Variants in RGL1 observed in about 807,000 individuals in gnomAD.
RGL1 encodes the protein ral guanine nucleotide dissociation stimulator like 1.
In RGL1, 24 loss-of-function variants were observed where a neutral mutation model predicts 95.2. The ratio of observed to expected loss-of-function variants is 0.25; its 90% CI spans 0.18 to 0.35. The LOEUF (loss-of-function observed/expected upper bound fraction) is 0.35, where lower values mean the gene tolerates loss of function less well. RGL1 is among the 10% of genes least tolerant of loss of function. RGL1 has a pLI of 1.00. For missense variants in RGL1, 715 were observed against 936.3 expected (o/e 0.76, Z 3.08); for synonymous variants, 329 against 344.9 (o/e 0.95, Z 0.51).
At chr1:183,638,963 C>G (rs1346887619) in intron 1 of RGL1, among the ~76,000 whole-genome samples, 1 of 152,132 alleles carries the variant, frequency 6.6e-6, no homozygotes, top group Non-Finnish European at 1.5e-5. Flanking sequence ...CCAAACTTGC[C>G]ACTAAATACT....
chr1:183,758,947 T>A (rs1478206556), intron 2 of RGL1, among the ~76,000 whole-genome samples: 1 of 152,220 alleles, frequency 6.6e-6, no homozygotes, highest in East Asian at 1.9e-4. Flanking sequence ...TACCCCAAGC[T>A]ATTAATTGGG....
upstream of RGL1, among the ~76,000 whole-genome samples, chr1:183,801,304 G>A (rs1219987902): frequency 1.3e-5 from 2 of 151,894 alleles, no homozygotes; most frequent in African/African-American, 4.8e-5. Flanking sequence ...TGTCTTCTTA[G>A]GAAAAATATC....
intron 2 of RGL1, among the ~76,000 whole-genome samples, chr1:183,743,178 A>T (rs1657418205): frequency 6.6e-6 from 1 of 152,010 alleles, no homozygotes; most frequent in Non-Finnish European, 1.5e-5. Flanking sequence ...ACACCTGGAT[A>T]ATTTTTAAAT....
At chr1:183,668,847 C>G (rs953963929) in intron 1 of RGL1, among the ~76,000 whole-genome samples, 1 of 151,826 alleles carries the variant, frequency 6.6e-6, no homozygotes, top group South Asian at 2.1e-4. Context: ...ATGTTTACAC[C>G]CTTTGTAGTT....
intron 2 of RGL1, among the ~76,000 whole-genome samples, chr1:183,746,983 C>T (rs1329540059): frequency 6.6e-6 from 1 of 152,138 alleles, no homozygotes; most frequent in East Asian, 1.9e-4. Context: ...AGGACATGAA[C>T]TCATCTTTTT....
intron 15 of RGL1, among the ~76,000 whole-genome samples, chr1:183,914,438 A>G (rs1226647616): frequency 6.6e-6 from 1 of 152,156 alleles, no homozygotes; most frequent in Admixed American, 6.5e-5. Context: ...CCTGGACTGC[A>G]CAATCCCTGC....
intron 4 of RGL1, among the ~76,000 whole-genome samples, chr1:183,872,918 A>G (rs1474432107): frequency 6.6e-6 from 1 of 152,230 alleles, no homozygotes; most frequent in Non-Finnish European, 1.5e-5. Flanking sequence ...ATAATGTGAA[A>G]GGAATTTTTT....
intron 1 of RGL1, among the ~76,000 whole-genome samples, chr1:183,702,311 G>C (rs1290038037): frequency 6.6e-6 from 1 of 152,284 alleles, no homozygotes; most frequent in East Asian, 1.9e-4. Context: ...GATGACTCAG[G>C]ACAACACTGC....
At chr1:183,901,457 C>G (rs978345945) in intron 11 of RGL1, among the ~76,000 whole-genome samples, 3 of 152,046 alleles carry the variant, frequency 2.0e-5, no homozygotes, top group Non-Finnish European at 2.9e-5. Flanking sequence ...ATTGCACGAT[C>G]TAGGTGCCCA....
chr1:183,657,957 T>G (rs1651305829), intron 1 of RGL1, among the ~76,000 whole-genome samples: 1 of 152,202 alleles, frequency 6.6e-6, no homozygotes, highest in Non-Finnish European at 1.5e-5. Context: ...CACCTGTTGT[T>G]TCCTGACTTT....
At chr1:183,809,686 T>G (rs1661572878) in intron 2 of RGL1, among the ~76,000 whole-genome samples, 1 of 152,214 alleles carries the variant, frequency 6.6e-6, no homozygotes, top group African/African-American at 2.4e-5. Flanking sequence ...GGCTCATTCT[T>G]GTAATCCCAG....
chr1:183,781,404 A>G (rs1382701657), intron 2 of RGL1, among the ~76,000 whole-genome samples: 2 of 152,172 alleles, frequency 1.3e-5, no homozygotes, highest in Non-Finnish European at 2.9e-5. Flanking sequence ...TATTGAAAAC[A>G]CTAACTTAGA....
chr1:183,903,562 G>C (rs940071095), intron 12 of RGL1, among the ~76,000 whole-genome samples: 1 of 152,012 alleles, frequency 6.6e-6, no homozygotes, highest in Non-Finnish European at 1.5e-5. Flanking sequence ...CCTAACATGG[G>C]GGGGGTTTGG....
chr1:183,814,202 A>T (rs951421014), intron 2 of RGL1, among the ~76,000 whole-genome samples: 7 of 151,846 alleles, frequency 4.6e-5, no homozygotes, highest in African/African-American at 1.7e-4. Flanking sequence ...TCATACAGAG[A>T]GAGAGAGAGA....
At chr1:183,657,378 G>A (rs887451358) in intron 1 of RGL1, among the ~76,000 whole-genome samples, 4 of 151,900 alleles carry the variant, frequency 2.6e-5, no homozygotes, top group African/African-American at 9.7e-5. Context: ...CCATGTTGGT[G>A]TGCTGCACCC....
rs1009150043 is a variant in RGL1 at position 183,664,143 on chromosome 1, G to A, written c.-33+27642G>A. ...ACAAGTTAATCGGTGCAGCACACCAGCATGACACATGTATACATATGTAAC... is the reference window on the plus strand; with the variant it reads ...ACAAGTTAATCGGTGCAGCACACCAACATGACACATGTATACATATGTAAC... On this transcript the variant is annotated intron_variant, in intron 1 of 18. Transcript: ENST00000304685. Among the ~76,000 whole-genome samples the A allele has an allele frequency of 5.9e-5, 9 of 151,868 alleles. No individual in the cohort carries two copies. In the East Asian group the frequency reaches 9.7e-4, roughly 16 times the overall value.
chr1:183,647,503 T>C, intron 1 of RGL1: 3 of 1,030,520 alleles, frequency 2.9e-6, no homozygotes, highest in Non-Finnish European at 3.9e-6. Flanking sequence ...TTTTGGATTA[T>C]GTTTAAAATA....
At chr1:183,895,664 A>G (rs1667651235) in intron 9 of RGL1, among the ~76,000 whole-genome samples, 1 of 152,204 alleles carries the variant, frequency 6.6e-6, no homozygotes, top group Admixed American at 6.5e-5. Flanking sequence ...AAAACTTTCA[A>G]GAAGGTTCAA....
intron 1 of RGL1, among the ~76,000 whole-genome samples, chr1:183,661,288 C>T (rs1371161483): frequency 6.6e-6 from 1 of 151,838 alleles, no homozygotes; most frequent in Non-Finnish European, 1.5e-5. Flanking sequence ...TTGAAAGGAT[C>T]AACAAAATTG....
Sources: gnomAD v4.1 joint callset for allele counts (sites outside exome capture counted in the v4.1 genomes callset) on GRCh38, gnomAD v4.1.1 for gene constraint, MANE v1.5 for transcripts, NCBI Gene and HGNC (gene_info 2026-07-23, HGNC 2026-07-21) for gene names.